LAMB1: variants seen among roughly 807,000 people sequenced by gnomAD.
The protein encoded by LAMB1 is laminin subunit beta-1.
A neutral mutation model predicts 222.3 loss-of-function variants in LAMB1; 121 were observed. The ratio of observed to expected loss-of-function variants is 0.54; its 90% CI spans 0.47 to 0.63. The LOEUF (loss-of-function observed/expected upper bound fraction) is 0.63. Ranked by LOEUF, LAMB1 falls within the 30% of genes least tolerant of loss-of-function variation. LAMB1 has a pLI of 0.00. For synonymous variants in LAMB1, 794 were observed against 807.2 expected (o/e 0.98, Z 0.28); for missense variants, 2,172 against 2,240.8 (o/e 0.97, Z 0.62).
chr7:107,955,384 G>GC (rs2150424364), intron 21 of LAMB1, 83 bp downstream of exon 21: 1 of 1,238,680 alleles, frequency 8.1e-7, no homozygotes. Context: ...GGTTCACTTT[G>GC]CATCTTTTTT....
intron 27 of LAMB1, 25 bp downstream of exon 27, chr7:107,935,390 G>GTA: frequency 9.0e-7 from 1 of 1,113,198 alleles, no homozygotes. Context: ...CACCATAGCA[G>GTA]TAAGGCCACA....
At chr7:107,966,194 G>T (rs893796120) in intron 13 of LAMB1, among the ~76,000 whole-genome samples, 4 of 152,008 alleles carry the variant, frequency 2.6e-5, no homozygotes, top group African/African-American at 9.7e-5. Flanking sequence ...TACAGGAATA[G>T]GAACTCTTTT....
chr7:107,932,453 G>T, intron 27 of LAMB1, 76 bp from the exon 28 acceptor site: 1 of 1,448,930 alleles, frequency 6.9e-7, no homozygotes, highest in Non-Finnish European at 9.7e-7. Flanking sequence ...GCAGGGCCTG[G>T]GTGGCCCCAG....
chr7:107,961,266 C>T lies in LAMB1; in HGVS notation c.2049G>A (p.Glu683=), dbSNP rs773534292. Residue 683 remains glutamate, a synonymous_variant, in exon 17 of 34, where the codon GAG becomes GAA. Transcript: ENST00000222399. The stretch of plus-strand genomic sequence containing the variant: ...TATCAGAGGAGGTGTACTGAGGCAG[C>T]TCCAACCTCACCGTGTAGTTTGTTC... ...EKGTNYTVRL[E]LPQYTSSDSD... is the part of the protein sequence containing the mutation. 2.5e-6 allele frequency: 4 copies of T among 1,614,088 alleles called. No individual in the cohort carries two copies. The highest frequency in any genetic ancestry group is 3.4e-6 in the Non-Finnish European group (4 of 1,179,988).
intron 27 of LAMB1, among the ~76,000 whole-genome samples, chr7:107,935,111 C>T (rs1261956440): frequency 6.6e-6 from 1 of 151,716 alleles, no homozygotes; most frequent in Non-Finnish European, 1.5e-5. Flanking sequence ...AGTTTCAGTG[C>T]GGTGTCACTG....
intron 31 of LAMB1, among the ~76,000 whole-genome samples, chr7:107,928,086 A>C (rs986899910): frequency 6.6e-6 from 1 of 152,236 alleles, no homozygotes; most frequent in Non-Finnish European, 1.5e-5. Flanking sequence ...TTTCTGAGAA[A>C]CAAAAGAATT....
intron 24 of LAMB1, among the ~76,000 whole-genome samples, chr7:107,945,594 C>A (rs1258734227): frequency 1.3e-5 from 2 of 152,190 alleles, no homozygotes; most frequent in African/African-American, 2.4e-5. Context: ...AATGAGGAGC[C>A]CCCAGGCTTG....
Position 107,955,585 on chromosome 7 carries a change from A to G in LAMB1, c.2736T>C (p.Asp912=). The G allele has an allele frequency of 6.2e-7, 1 of 1,614,016 alleles. No individual in the cohort carries two copies. Among genetic ancestry groups the G allele is most frequent in the Non-Finnish European group, 8.5e-7 (1 of 1,179,992 alleles). ...CTGGGCAAGGGCAAGGGCGGCAGTG[A>G]TCTCCTGACCCAATGATGGGGTCGC... ...YYGDPIIGSG[D]HCRPCPCPDG... The change falls in exon 21 of 34, where the codon GAT becomes GAC. Residue 912 remains aspartate, a synonymous_variant. Coordinates refer to ENST00000222399, the MANE Select transcript of LAMB1 (RefSeq NM_002291.3).
intron 2 of LAMB1, among the ~76,000 whole-genome samples, chr7:108,002,576 G>A (rs1437789624): frequency 6.6e-6 from 1 of 152,224 alleles, no homozygotes; most frequent in Non-Finnish European, 1.5e-5. Context: ...TGAACCGGCC[G>A]AGGGTGCAAA....
intron 25 of LAMB1, 127 bp from the exon 26 acceptor site, chr7:107,937,404 A>G (rs867707253): frequency 8.7e-6 from 6 of 693,048 alleles, no homozygotes; most frequent in Middle Eastern, 3.3e-4. Flanking sequence ...GTAACATTTC[A>G]TCCCTAAGTG....
chr7:107,953,348 CTCTGTCTCATTAA>C (rs1171055540), intron 22 of LAMB1, among the ~76,000 whole-genome samples, 169 bp downstream of exon 22: 2 of 132,496 alleles, frequency 1.5e-5, no homozygotes, highest in Non-Finnish European at 3.2e-5. Flanking sequence ...TAGAGTGAGA[CTCTGTCTCATTAA>C]AAAAAAAAAA....
rs187685233 is a variant in LAMB1, at chr7:107,977,562, T to G, written c.1000+485A>C. ...CAGCACTTTGGGAGGCCAAGGTGGGTAGATCACTTGAGGTCAGGAGTTCAA... is the reference window on the plus strand; with the variant it reads ...CAGCACTTTGGGAGGCCAAGGTGGGGAGATCACTTGAGGTCAGGAGTTCAA... On this transcript the variant is annotated intron_variant, in intron 9 of 33. Coordinates refer to ENST00000222399, the MANE Select transcript of LAMB1 (RefSeq NM_002291.3). Among the ~76,000 whole-genome samples the G allele has an allele frequency of 7.9e-3, 1,206 of 152,148 alleles. 24 individuals carry two copies. The highest frequency in any genetic ancestry group is 0.027 in the African/African-American group (1,137 of 41,504).
chr7:107,953,747 T>C lies in LAMB1; in HGVS notation c.2862A>G (p.Arg954=). Residue 954 remains arginine (R), a synonymous_variant, in exon 22 of 34, where the codon AGA becomes AGG. Coordinates refer to ENST00000222399, the MANE Select transcript of LAMB1 (RefSeq NM_002291.3). ...CVCDPGYIGS[R]CDDCASGYFG... is the part of the protein sequence containing the mutation. Reference sequence around the variant, plus strand: ...AGTATCCTGAGGCACAGTCGTCACATCTGGAACCTGTCACCCGATAAAACC... The same window carrying C: ...AGTATCCTGAGGCACAGTCGTCACACCTGGAACCTGTCACCCGATAAAACC... 6.2e-7 allele frequency: 1 copy of C among 1,614,104 alleles called. No individual in the cohort carries two copies. The highest frequency in any genetic ancestry group is 8.5e-7 in the Non-Finnish European group (1 of 1,179,964).
intron 3 of LAMB1, chr7:107,999,746 G>A (rs1273663724): frequency 1.4e-5 from 2 of 148,044 alleles, no homozygotes; most frequent in South Asian, 2.2e-4. Flanking sequence ...ATATACCAGA[G>A]AGCCTGGCTC....
intron 5 of LAMB1, among the ~76,000 whole-genome samples, chr7:107,989,873 G>A (rs1418894460): frequency 6.6e-6 from 1 of 152,184 alleles, no homozygotes; most frequent in Non-Finnish European, 1.5e-5. Flanking sequence ...TTCCCGTGGA[G>A]TTAAGAAGCT....
intron 5 of LAMB1, among the ~76,000 whole-genome samples, chr7:107,993,416 G>T (rs1389566368): frequency 2.0e-5 from 3 of 152,150 alleles, no homozygotes; most frequent in African/African-American, 7.2e-5. Flanking sequence ...TTACAGGTGT[G>T]AGCCACCACG....
intron 27 of LAMB1, 113 bp from the exon 28 acceptor site, chr7:107,932,490 G>C: frequency 1.0e-6 from 1 of 983,846 alleles, no homozygotes; most frequent in East Asian, 2.5e-5. Context: ...CCTCAGCAAG[G>C]GTGCTTGAAA....
At chr7:107,939,536 A>T (rs2032930869) in intron 25 of LAMB1, among the ~76,000 whole-genome samples, 1 of 152,166 alleles carries the variant, frequency 6.6e-6, no homozygotes, top group African/African-American at 2.4e-5. Flanking sequence ...TTGTTATTTT[A>T]TATATAAATC....
At chr7:107,961,826 C>G (rs147091190) in intron 15 of LAMB1, 150 bp from the exon 16 acceptor site, 1 of 909,106 alleles carries the variant, frequency 1.1e-6, no homozygotes, top group Non-Finnish European at 1.6e-6. Context: ...TGCTACTCCC[C>G]TGGTTCCAGC....
Sources: gnomAD v4.1 joint callset for allele counts (sites outside exome capture counted in the v4.1 genomes callset) on GRCh38, gnomAD v4.1.1 for gene constraint, MANE v1.5 for transcripts, NCBI Gene and HGNC (gene_info 2026-07-23, HGNC 2026-07-21) for gene names.